COP1: variants seen among roughly 807,000 people sequenced by gnomAD.
COP1 encodes COP1 E3 ubiquitin ligase, also known as E3 ubiquitin-protein ligase COP1.
In COP1, 24 loss-of-function variants were observed where a neutral mutation model predicts 101.3. The observed-to-expected ratio is 0.24, with a 90% CI of 0.17 to 0.33. COP1 has a LOEUF of 0.33. Among genes scored for constraint, COP1 ranks in the 10% least tolerant of loss-of-function variants. The probability of loss-of-function intolerance (pLI) is 1.00; values close to 1 mark genes in which losing one functional copy is unlikely to be tolerated. For missense variants in COP1, 663 were observed against 906.2 expected (o/e 0.73, Z 3.45); for synonymous variants, 347 against 341.9 (o/e 1.01, Z -0.17).
At chr1:176,108,980 T>C (rs1174087455) in intron 9 of COP1, among the ~76,000 whole-genome samples, 2 of 151,936 alleles carry the variant, frequency 1.3e-5, no homozygotes, top group Admixed American at 6.6e-5. Context: ...GGCGCGGTGG[T>C]GCGCACCTGC....
chr1:176,029,183 T>C (rs74127162), intron 14 of COP1, among the ~76,000 whole-genome samples: 10,034 of 152,308 alleles, frequency 0.066, 413 homozygotes, highest in Middle Eastern at 0.12. Context: ...AATTTCATGA[T>C]TTTAAATTTT....
At chr1:176,171,926 C>T (rs1696136625) in intron 3 of COP1, among the ~76,000 whole-genome samples, 1 of 152,074 alleles carries the variant, frequency 6.6e-6, no homozygotes, top group Non-Finnish European at 1.5e-5. Context: ...ATTTTTAAAT[C>T]AATATTTAAG....
At chr1:176,016,311 T>C (rs940417810) in intron 15 of COP1, among the ~76,000 whole-genome samples, 3 of 151,924 alleles carry the variant, frequency 2.0e-5, no homozygotes, top group Non-Finnish European at 4.4e-5. Flanking sequence ...CTGAGAACTA[T>C]AGATGGGAGA....
intron 15 of COP1, among the ~76,000 whole-genome samples, chr1:176,004,630 C>G (rs375326892): frequency 0.017 from 2,623 of 151,852 alleles, 63 homozygotes; most frequent in African/African-American, 0.055. Context: ...TTGTCTTTGG[C>G]TCTGTTTATA....
chr1:176,150,780 A>G lies in COP1; in HGVS notation c.763-1706T>C, dbSNP rs143203043. Among the ~76,000 whole-genome samples the G allele has an allele frequency of 9.5e-4, 144 of 152,278 alleles. 1 individual carries two copies. Among genetic ancestry groups the G allele is most frequent in the African/African-American group, 3.1e-3 (128 of 41,544 alleles). On this transcript the variant is annotated intron_variant, in intron 5 of 19. Transcript: ENST00000367669. Reference sequence around the variant, plus strand: ...ACAAGAATGCAATTAACTTGTAGAAAGAAGGAGAAAGTCCCCAAAATGTCA... The same window carrying G: ...ACAAGAATGCAATTAACTTGTAGAAGGAAGGAGAAAGTCCCCAAAATGTCA...
At chr1:175,962,116 C>T (rs1651449793) in intron 18 of COP1, among the ~76,000 whole-genome samples, 1 of 152,034 alleles carries the variant, frequency 6.6e-6, no homozygotes. Flanking sequence ...TAGATAGGAG[C>T]AGTTTTTCTT....
chr1:176,195,151 A>AAGAGG (rs1303386417), intron 1 of COP1, among the ~76,000 whole-genome samples: 1 of 136,064 alleles, frequency 7.3e-6, no homozygotes, highest in African/African-American at 2.7e-5. Context: ...GAGAGGGAGA[A>AAGAGG]GAGAGGGAAA....
intron 11 of COP1, among the ~76,000 whole-genome samples, chr1:176,058,189 G>GGT (rs1206012359): frequency 2.7e-5 from 4 of 150,590 alleles, no homozygotes; most frequent in African/African-American, 9.8e-5. Context: ...AGGGAGGGGG[G>GGT]GGGTCAGCCC....
At chr1:175,994,203 C>A (rs1005009458) in intron 15 of COP1, among the ~76,000 whole-genome samples, 1 of 152,092 alleles carries the variant, frequency 6.6e-6, no homozygotes, top group African/African-American at 2.4e-5. Context: ...CTGAGAGAAT[C>A]TGTCACCACC....
chr1:175,997,846 C>T (rs1167461862), intron 15 of COP1, among the ~76,000 whole-genome samples: 6 of 152,132 alleles, frequency 3.9e-5, no homozygotes, highest in Admixed American at 3.3e-4. Flanking sequence ...CGTGGCAATT[C>T]CTCAGGGATC....
chr1:176,140,961 A>G (rs1308056792), intron 6 of COP1, among the ~76,000 whole-genome samples: 2 of 152,200 alleles, frequency 1.3e-5, no homozygotes, highest in Non-Finnish European at 2.9e-5. Context: ...AAAGGTAAAG[A>G]GTAAGTAAGT....
intron 18 of COP1, among the ~76,000 whole-genome samples, chr1:175,962,255 C>T (rs1291228852): frequency 6.6e-6 from 1 of 152,066 alleles, no homozygotes; most frequent in Non-Finnish European, 1.5e-5. Flanking sequence ...CAATAAATTC[C>T]TCTTGTGAAA....
chr1:175,995,132 C>T (rs1225437022), intron 15 of COP1, among the ~76,000 whole-genome samples: 1 of 152,188 alleles, frequency 6.6e-6, no homozygotes. Flanking sequence ...GAACAACTTG[C>T]TCCTGAATGA....
intron 11 of COP1, among the ~76,000 whole-genome samples, chr1:176,051,428 T>G (rs1319632710): frequency 6.6e-6 from 1 of 152,232 alleles, no homozygotes; most frequent in African/African-American, 2.4e-5. Context: ...GAAGATGGTG[T>G]GAACAAACCT....
In COP1 at chr1:175,994,035, G is replaced by C. The variant is rs140323280; in HGVS notation, c.1730-4556C>G. Among the ~76,000 whole-genome samples the C allele has an allele frequency of 8.8e-3, 1,333 of 152,280 alleles. 29 individuals carry two copies. The highest frequency in any genetic ancestry group is 0.031 in the African/African-American group (1,268 of 41,534). ...CACAAAGGGAAGCCCATCAGACTAA[G>C]AGGGGATCTCTGGGCAGAAACTCTA... On this transcript the variant is annotated intron_variant, in intron 15 of 19. Transcript: ENST00000367669.
chr1:176,039,454 T>C (rs1248034975), intron 14 of COP1, among the ~76,000 whole-genome samples: 1 of 149,054 alleles, frequency 6.7e-6, no homozygotes. Flanking sequence ...AGAGCAAAAA[T>C]AGATGAATGA....
intron 6 of COP1, 21 bp from the exon 7 acceptor site, chr1:176,136,568 G>GA: frequency 7.2e-7 from 1 of 1,397,620 alleles, no homozygotes; most frequent in Non-Finnish European, 9.5e-7. Flanking sequence ...AATAGAGAGA[G>GA]AAAGACAAAA....
chr1:176,025,082 A>G (rs1040352943), intron 15 of COP1, among the ~76,000 whole-genome samples: 1 of 152,220 alleles, frequency 6.6e-6, no homozygotes, highest in Non-Finnish European at 1.5e-5. Flanking sequence ...TAGAAAAAGC[A>G]TAAGCACCAA....
intron 8 of COP1, among the ~76,000 whole-genome samples, chr1:176,132,452 T>C (rs950615615): frequency 1.3e-5 from 2 of 151,516 alleles, no homozygotes; most frequent in Non-Finnish European, 3.0e-5. Flanking sequence ...TTAGGCAATT[T>C]TGTCATTATG....
Sources: gnomAD v4.1 joint callset for allele counts (sites outside exome capture counted in the v4.1 genomes callset) on GRCh38, gnomAD v4.1.1 for gene constraint, MANE v1.5 for transcripts, NCBI Gene and HGNC (gene_info 2026-07-23, HGNC 2026-07-21) for gene names.